The following PRKG1 variants were observed in gnomAD, a reference collection of about 807,000 sequenced individuals.
PRKG1 encodes cGMP-dependent protein kinase 1.
In PRKG1, 35 loss-of-function variants were observed where a neutral mutation model predicts 88.1. The ratio of observed to expected loss-of-function variants is 0.40; its 90% CI spans 0.30 to 0.53. The LOEUF is 0.53. PRKG1 is among the 20% of genes least tolerant of loss of function. The probability of loss-of-function intolerance (pLI) is 0.59; values close to 1 mark genes in which losing one functional copy is unlikely to be tolerated. For missense variants in PRKG1, 540 were observed against 839.8 expected (o/e 0.64, Z 4.41); for synonymous variants, 303 against 292.5 (o/e 1.04, Z -0.37).
intron 2 of PRKG1, among the ~76,000 whole-genome samples, chr10:51,455,784 C>T (rs1013860987): frequency 2.0e-5 from 3 of 152,218 alleles, no homozygotes; most frequent in Admixed American, 2.0e-4. Context: ...TAGGAAGTTG[C>T]AAACTTTCTC....
chr10:51,827,093 G>A (rs1421473084), intron 4 of PRKG1, among the ~76,000 whole-genome samples: 2 of 152,052 alleles, frequency 1.3e-5, no homozygotes, highest in South Asian at 2.1e-4. Context: ...CATCAACAAA[G>A]CAAAGTTTCC....
chr10:51,790,029 G>A (rs1011061102), intron 3 of PRKG1, among the ~76,000 whole-genome samples: 2 of 151,958 alleles, frequency 1.3e-5, no homozygotes, highest in African/African-American at 4.8e-5. Flanking sequence ...CACCGTGTTG[G>A]CCAGGCTGAT....
intron 9 of PRKG1, among the ~76,000 whole-genome samples, chr10:52,183,365 G>A (rs1248782090): frequency 2.0e-5 from 3 of 152,208 alleles, no homozygotes; most frequent in African/African-American, 7.2e-5. Flanking sequence ...TGAGTATGTA[G>A]TGGCTCTCCT....
chr10:52,293,870 T>G lies in PRKG1; in HGVS notation c.2031T>G (p.Asp677Glu). 6.2e-7 allele frequency: 1 copy of G among 1,612,562 alleles called. No individual in the cohort carries two copies. Among genetic ancestry groups the G allele is most frequent in the South Asian group, 1.1e-5 (1 of 90,984 alleles). The change falls in exon 18 of 18, where the codon GAT (aspartate) becomes GAG (glutamate). Residue 677 changes from aspartate (D) to glutamate (E), a missense_variant. Coordinates refer to ENST00000373980, the MANE Select transcript of PRKG1 (RefSeq NM_006258.4). ...AGGACAACGATGAACCACCACCTGATGACAACTCAGGATGGGATATAGACT... is the reference window on the plus strand; with the variant it reads ...AGGACAACGATGAACCACCACCTGAGGACAACTCAGGATGGGATATAGACT... ...FPEDNDEPPP[D>E]DNSGWDIDF
intron 5 of PRKG1, among the ~76,000 whole-genome samples, chr10:52,046,401 T>C (rs948375394): frequency 6.6e-6 from 1 of 152,074 alleles, no homozygotes. Flanking sequence ...CAGTGAGGAA[T>C]CACTGCCTGC....
At chr10:51,965,877 A>G (rs1458528110) in intron 5 of PRKG1, among the ~76,000 whole-genome samples, 1 of 152,208 alleles carries the variant, frequency 6.6e-6, no homozygotes, top group African/African-American at 2.4e-5. Flanking sequence ...ACAATTTCAA[A>G]ATTAGAAACC....
intron 4 of PRKG1, among the ~76,000 whole-genome samples, chr10:51,825,971 G>T (rs565954436): frequency 6.6e-6 from 1 of 152,274 alleles, no homozygotes; most frequent in Non-Finnish European, 1.5e-5. Flanking sequence ...GGAGAAGCAG[G>T]TGGGTTTACA....
chr10:52,233,974 G>A (rs1223452644), intron 9 of PRKG1, among the ~76,000 whole-genome samples: 6 of 152,062 alleles, frequency 3.9e-5, no homozygotes, highest in Admixed American at 6.5e-5. Context: ...TCTGAGAACC[G>A]GCAGACTGCC....
intron 10 of PRKG1, among the ~76,000 whole-genome samples, chr10:52,257,630 G>A (rs959993574): frequency 2.1e-5 from 3 of 139,574 alleles, no homozygotes; most frequent in African/African-American, 7.4e-5. Flanking sequence ...AAGTGAGTAA[G>A]GACTCAATAC....
chr10:51,665,742 T>C (rs1345586189), intron 3 of PRKG1, among the ~76,000 whole-genome samples: 1 of 152,134 alleles, frequency 6.6e-6, no homozygotes, highest in Non-Finnish European at 1.5e-5. Flanking sequence ...CCTTCATTTT[T>C]TAAAATGTAT....
chr10:51,719,075 A>G (rs966445093), intron 3 of PRKG1, among the ~76,000 whole-genome samples: 13 of 152,278 alleles, frequency 8.5e-5, no homozygotes, highest in South Asian at 6.2e-4. Flanking sequence ...CTTGAGCCCA[A>G]GGAGTTCAAG....
At chr10:52,265,286 C>T (rs1178196937) in intron 10 of PRKG1, among the ~76,000 whole-genome samples, 3 of 152,070 alleles carry the variant, frequency 2.0e-5, no homozygotes, top group Admixed American at 6.6e-5. Flanking sequence ...AGGGAGTACC[C>T]TTCTCCTGCT....
chr10:52,251,672 T>C lies in PRKG1; in HGVS notation c.1173+6T>C. On this transcript the variant is annotated splice_donor_region_variant and intron_variant, in intron 10 of 17. Coordinates refer to ENST00000373980, the MANE Select transcript of PRKG1 (RefSeq NM_006258.4). ...GTTTCGGACGAGTAGAACTGGTAGG[T>C]GATTGTTCTTTAAATGCTTTTGATC... is the stretch of plus-strand genomic sequence containing the variant. 6.2e-7 allele frequency: 1 copy of C among 1,605,082 alleles called. No homozygotes were observed. The highest frequency in any genetic ancestry group is 8.5e-7 in the Non-Finnish European group (1 of 1,172,228).
intron 2 of PRKG1, among the ~76,000 whole-genome samples, chr10:51,205,497 G>C (rs1026729732): frequency 6.6e-6 from 1 of 151,296 alleles, no homozygotes; most frequent in African/African-American, 2.4e-5. Context: ...CTGACATTTC[G>C]TATGACTTTT....
chr10:52,174,804 C>T (rs761810712), intron 9 of PRKG1, among the ~76,000 whole-genome samples: 3 of 151,946 alleles, frequency 2.0e-5, no homozygotes, highest in Non-Finnish European at 4.4e-5. Context: ...TGACCAAAGG[C>T]AAGACATATC....
intron 2 of PRKG1, among the ~76,000 whole-genome samples, chr10:51,369,125 G>T (rs1416955789): frequency 6.6e-6 from 1 of 152,094 alleles, no homozygotes; most frequent in Non-Finnish European, 1.5e-5. Flanking sequence ...CACAATAAAT[G>T]CCTGCCAATA....
chr10:51,006,925 A>G (rs898851692), intron 1 of PRKG1, among the ~76,000 whole-genome samples: 1 of 144,922 alleles, frequency 6.9e-6, no homozygotes, highest in East Asian at 2.0e-4. Context: ...AGGTCTGGGG[A>G]AGGGCCTGAG....
intron 3 of PRKG1, among the ~76,000 whole-genome samples, chr10:51,601,233 C>G (rs1287744427): frequency 1.3e-5 from 2 of 152,132 alleles, no homozygotes; most frequent in Non-Finnish European, 1.5e-5. Context: ...ATTAGCTACT[C>G]CCCATATATT....
intron 7 of PRKG1, among the ~76,000 whole-genome samples, chr10:52,127,525 T>C (rs925430417): frequency 1.3e-5 from 2 of 152,194 alleles, no homozygotes; most frequent in African/African-American, 4.8e-5. Context: ...GGGCTAGGGA[T>C]GAAATGTCAA....
Sources: allele counts gnomAD v4.1 joint callset (sites outside exome capture counted in the v4.1 genomes callset), GRCh38; gene constraint gnomAD v4.1.1; transcripts MANE v1.5; gene names NCBI Gene and HGNC (gene_info 2026-07-23, HGNC 2026-07-21).